ST3GAL3: variants seen among roughly 807,000 people sequenced by gnomAD.
ST3GAL3 encodes the protein ST3 beta-galactoside alpha-2,3-sialyltransferase 3, also known as CMP-N-acetylneuraminate-beta-1,4-galactoside alpha-2,3-sialyltransferase.
In ST3GAL3, 21 loss-of-function variants were observed where a neutral mutation model predicts 50.1. That is an observed-to-expected ratio of 0.42 (90% confidence interval 0.30 to 0.60). The LOEUF (loss-of-function observed/expected upper bound fraction) is 0.60. ST3GAL3 is among the 20% of genes least tolerant of loss of function. The pLI is 0.19. For missense variants in ST3GAL3, 353 were observed against 489.4 expected, an observed-to-expected ratio of 0.72 and a Z score of 2.63; for synonymous variants, 183 against 190.0, an observed-to-expected ratio of 0.96 and a Z score of 0.30.
intron 1 of ST3GAL3, chr1:43,719,096 G>A (rs1398572393): frequency 6.6e-6 from 1 of 152,110 alleles, no homozygotes; most frequent in Non-Finnish European, 1.5e-5. Context: ...TTTCTACTCA[G>A]GAAGTCACTG....
chr1:43,812,377 G>A (rs1371664666), intron 3 of ST3GAL3, among the ~76,000 whole-genome samples: 2 of 152,184 alleles, frequency 1.3e-5, no homozygotes, highest in Admixed American at 6.5e-5. Context: ...GGGCTCTGAC[G>A]CTAGAGCCAA....
At chr1:43,833,382 A>G (rs2063803876) in intron 4 of ST3GAL3, among the ~76,000 whole-genome samples, 2 of 152,186 alleles carry the variant, frequency 1.3e-5, no homozygotes, top group Non-Finnish European at 2.9e-5. Flanking sequence ...CTTCAGTGTA[A>G]TGGAGTGTAA....
At chr1:43,928,969 C>T (rs925167831) in intron 11 of ST3GAL3, among the ~76,000 whole-genome samples, 13 of 152,124 alleles carry the variant, frequency 8.5e-5, no homozygotes, top group African/African-American at 3.1e-4. Context: ...CTGACAAACG[C>T]AACAGAGAGG....
At chr1:43,912,400 G>A (rs2081086975) in intron 9 of ST3GAL3, 1 of 152,074 alleles carries the variant, frequency 6.6e-6, no homozygotes, top group African/African-American at 2.4e-5. Flanking sequence ...GGGGTGTGAG[G>A]GTTCACAATC....
At chr1:43,797,556 A>G (rs2058820363) in intron 3 of ST3GAL3, among the ~76,000 whole-genome samples, 2 of 152,222 alleles carry the variant, frequency 1.3e-5, no homozygotes, top group African/African-American at 4.8e-5. Flanking sequence ...TGGTCTTATT[A>G]ATTGATGAAG....
At chr1:43,726,051 C>T (rs921034957) in intron 1 of ST3GAL3, among the ~76,000 whole-genome samples, 12 of 152,078 alleles carry the variant, frequency 7.9e-5, no homozygotes, top group African/African-American at 2.9e-4. Context: ...CATAAACTCT[C>T]ATTTAGATGT....
chr1:43,821,536 A>G (rs183372435), intron 4 of ST3GAL3, among the ~76,000 whole-genome samples: 11 of 152,336 alleles, frequency 7.2e-5, no homozygotes, highest in East Asian at 3.9e-4. Context: ...GAAGTAGGAA[A>G]TTGGACCAAG....
intron 3 of ST3GAL3, among the ~76,000 whole-genome samples, chr1:43,804,487 G>T (rs1188451345): frequency 6.6e-6 from 1 of 152,174 alleles, no homozygotes; most frequent in Non-Finnish European, 1.5e-5. Context: ...GTCAGGTAAA[G>T]ACCTTGGTTG....
At chr1:43,921,993 A>G in intron 11 of ST3GAL3, 1 of 374,170 alleles carries the variant, frequency 2.7e-6, no homozygotes, top group Non-Finnish European at 4.7e-6. Flanking sequence ...TGAGTCAGTA[A>G]TTTCCAACAT....
intron 5 of ST3GAL3, among the ~76,000 whole-genome samples, chr1:43,855,895 CGACAGGCATGAACAGGTTACTAAT>C (rs1171227582): frequency 1.3e-5 from 2 of 151,814 alleles, no homozygotes; most frequent in African/African-American, 4.8e-5. Context: ...GGTATACTAA[CGACAGGCATGAACAGGTTACTAAT>C]GACAGTCACA....
At chr1:43,848,628 G>A (rs1214166699) in intron 5 of ST3GAL3, among the ~76,000 whole-genome samples, 3 of 151,932 alleles carry the variant, frequency 2.0e-5, no homozygotes, top group Admixed American at 1.3e-4. Context: ...TATTTATTTG[G>A]CTTGGAGTTT....
At chr1:43,797,776 G>T (rs959208401) in intron 3 of ST3GAL3, among the ~76,000 whole-genome samples, 1 of 152,096 alleles carries the variant, frequency 6.6e-6, no homozygotes, top group Non-Finnish European at 1.5e-5. Flanking sequence ...ATACAGAATG[G>T]AAAGGAAGAA....
At chr1:43,902,839 C>G in intron 9 of ST3GAL3, among the ~76,000 whole-genome samples, 1 of 152,110 alleles carries the variant, frequency 6.6e-6, no homozygotes, top group East Asian at 1.9e-4. Context: ...GAGGTATTCT[C>G]TTTGCAGGCT....
At chr1:43,757,438 T>C (rs1050226248) in intron 2 of ST3GAL3, among the ~76,000 whole-genome samples, 2 of 151,698 alleles carry the variant, frequency 1.3e-5, no homozygotes, top group African/African-American at 4.8e-5. Flanking sequence ...CAAGATAGAG[T>C]GGTACTGGTA....
At chr1:43,748,623 T>C (rs1684843900) in intron 2 of ST3GAL3, among the ~76,000 whole-genome samples, 1 of 152,060 alleles carries the variant, frequency 6.6e-6, no homozygotes, top group Admixed American at 6.6e-5. Context: ...GGGTTTTACA[T>C]TGTTGCCTAG....
chr1:43,852,557 A>G (rs2067531549), intron 5 of ST3GAL3, among the ~76,000 whole-genome samples: 1 of 152,222 alleles, frequency 6.6e-6, no homozygotes, highest in African/African-American at 2.4e-5. Context: ...CCTTTAGCAC[A>G]CAGTAGACAC....
At chr1:43,787,886 G>T (rs2057543921) in intron 2 of ST3GAL3, among the ~76,000 whole-genome samples, 2 of 152,122 alleles carry the variant, frequency 1.3e-5, no homozygotes, top group African/African-American at 4.8e-5. Flanking sequence ...GATATTGTTG[G>T]GGTATATTTA....
At chr1:43,886,118 T>C (rs1427387696) in intron 5 of ST3GAL3, among the ~76,000 whole-genome samples, 1 of 152,244 alleles carries the variant, frequency 6.6e-6, no homozygotes, top group Non-Finnish European at 1.5e-5. Flanking sequence ...CAGTGGCTCA[T>C]GCCTGTCATC....
intron 5 of ST3GAL3, among the ~76,000 whole-genome samples, chr1:43,873,279 G>T (rs2073386285): frequency 6.6e-6 from 1 of 152,196 alleles, no homozygotes; most frequent in Admixed American, 6.5e-5. Flanking sequence ...GAGCTAACAG[G>T]TTTGCTGCCA....
Sources: gnomAD v4.1 joint callset for allele counts (sites outside exome capture counted in the v4.1 genomes callset) on GRCh38, gnomAD v4.1.1 for gene constraint, MANE v1.5 for transcripts, NCBI Gene and HGNC (gene_info 2026-07-23, HGNC 2026-07-21) for gene names.